Variants in VIRMA observed in about 807,000 individuals in gnomAD.
The protein encoded by VIRMA is vir like m6A methyltransferase associated, also known as protein virilizer homolog.
A neutral mutation model predicts 182.4 loss-of-function variants in VIRMA; 65 were observed. The ratio of observed to expected loss-of-function variants is 0.36; its 90% CI spans 0.29 to 0.44. VIRMA has a LOEUF of 0.44. Among genes scored for constraint, VIRMA ranks in the 20% least tolerant of loss-of-function variants. The pLI is 1.00. For missense variants in VIRMA, 1,752 were observed against 2,158.1 expected, an observed-to-expected ratio of 0.81 and a Z score of 3.73; for synonymous variants, 709 against 743.1, an observed-to-expected ratio of 0.95 and a Z score of 0.75.
At chr8:94,541,831 C>T (rs1458054818) in intron 2 of VIRMA, among the ~76,000 whole-genome samples, 2 of 151,726 alleles carry the variant, frequency 1.3e-5, no homozygotes, top group Admixed American at 6.6e-5. Context: ...CATAAGCCAC[C>T]GTGCCTGGCC....
chr8:94,511,592 T>A lies in VIRMA; in HGVS notation c.2983A>T (p.Thr995Ser), dbSNP rs1304164838. 6.2e-7 allele frequency: 1 copy of A among 1,614,126 alleles called. No homozygotes were observed. The highest frequency in any genetic ancestry group is 2.2e-5 in the East Asian group (1 of 44,882). Residue 995 changes from threonine to serine, a missense_variant, in exon 13 of 24, where the codon ACT (threonine) becomes TCT (serine). Physicochemically the swap from Thr to Ser is moderately conservative, Grantham distance 58. Around this residue, in one of 11 missense-constraint regions of VIRMA, gnomAD observed 777 missense variants for 920.6 expected, o/e 0.84. Coordinates refer to ENST00000297591, the MANE Select transcript of VIRMA (RefSeq NM_015496.5). The part of the protein sequence containing the change: ...QPWRLHVNMG[T>S]TLHRVTTISM... The stretch of plus-strand genomic sequence containing the variant: ...ATAGTAGTAACTCTGTGAAGGGTAG[T>A]CCCCATGTTGACATGGAGCCTCCAA...
At chr8:94,521,726 C>T (rs1017453479) in intron 8 of VIRMA, among the ~76,000 whole-genome samples, 2 of 152,130 alleles carry the variant, frequency 1.3e-5, no homozygotes, top group Non-Finnish European at 2.9e-5. Context: ...GCTGAAACTG[C>T]TTCTTCAGTC....
intron 16 of VIRMA, among the ~76,000 whole-genome samples, chr8:94,500,977 G>A (rs1813955466): frequency 6.6e-6 from 1 of 152,032 alleles, no homozygotes; most frequent in Admixed American, 6.6e-5. Context: ...TGGGCGCAGT[G>A]GCTCATGACT....
At chr8:94,511,966 G>T in intron 12 of VIRMA, 30 bp downstream of exon 12, 1 of 1,268,300 alleles carries the variant, frequency 7.9e-7, no homozygotes, top group Non-Finnish European at 1.1e-6. Context: ...CTTAAGAATC[G>T]TAGTTTTTAA....
chr8:94,536,953 T>C (rs1160989067), intron 4 of VIRMA, 150 bp downstream of exon 4: 1 of 631,728 alleles, frequency 1.6e-6, no homozygotes, highest in African/African-American at 1.8e-5. Flanking sequence ...CACTCCAGCC[T>C]GGGTGACAGA....
chr8:94,539,504 T>C (rs1815464988), intron 2 of VIRMA, among the ~76,000 whole-genome samples: 1 of 152,186 alleles, frequency 6.6e-6, no homozygotes, highest in Admixed American at 6.5e-5. Flanking sequence ...AACTAAAATC[T>C]TGACTTTGAA....
intron 15 of VIRMA, among the ~76,000 whole-genome samples, chr8:94,508,569 G>C (rs76276254): frequency 0.04 from 6,064 of 151,992 alleles, 133 homozygotes; most frequent in Non-Finnish European, 0.05. Context: ...GGATGCCACA[G>C]CGCTATTCAA....
intron 16 of VIRMA, among the ~76,000 whole-genome samples, chr8:94,501,451 A>T (rs1813983890): frequency 2.6e-5 from 4 of 152,192 alleles, no homozygotes; most frequent in African/African-American, 9.7e-5. Flanking sequence ...AGACAAAAAG[A>T]ACCATATACA....
At chr8:94,503,861 TAAAAAAACC>T (rs912867550) in intron 16 of VIRMA, among the ~76,000 whole-genome samples, 1 of 149,456 alleles carries the variant, frequency 6.7e-6, no homozygotes, top group African/African-American at 2.5e-5. Flanking sequence ...CCTGTTAATT[TAAAAAAACC>T]AAAAAAACAA....
Position 94,531,102 on chromosome 8 carries a change from G to C in VIRMA, c.485-17C>G, listed in dbSNP as rs748888279. On this transcript the variant is annotated splice_polypyrimidine_tract_variant and intron_variant, in intron 5 of 23. Transcript: ENST00000297591. ...CCCCATCAGCTAGTGTTTTATGGGAGACAGAAAAAGAACTTTCAAATTACA... is the reference window on the plus strand; with the variant it reads ...CCCCATCAGCTAGTGTTTTATGGGACACAGAAAAAGAACTTTCAAATTACA... 3.3e-6 allele frequency: 5 copies of C among 1,510,842 alleles called. No individual in the cohort carries two copies. The South Asian group carries it at 4.1e-5, about 12-fold the overall frequency. The allele number at this position is 1,510,842 out of a possible 1,614,324, so 93.6% of individuals were successfully genotyped here. A position where few individuals can be genotyped will look rare whatever the true frequency, so the allele number is the denominator to read the frequency against.
At chr8:94,491,275 C>A (rs938593359) in intron 22 of VIRMA, among the ~76,000 whole-genome samples, 2 of 151,422 alleles carry the variant, frequency 1.3e-5, no homozygotes, top group Non-Finnish European at 2.9e-5. Flanking sequence ...GATCACACCA[C>A]CGCACCCCAG....
chr8:94,491,630 T>C lies in VIRMA; in HGVS notation c.5088A>G (p.Gly1696=). ...SRGGFSGNRG[G]RGAFHSQNRF... ...TATTCTGACTGTGGAAAGCACCCCG[T>C]CCTCCTCTATTGCCTGAAAACCCAC... is the stretch of plus-strand genomic sequence containing the variant. Residue 1696 remains glycine (G), a synonymous_variant, in exon 22 of 24, where the codon GGA becomes GGG. Coordinates refer to ENST00000297591, the MANE Select transcript of VIRMA (RefSeq NM_015496.5). 1 of 1,614,154 alleles carries C rather than the reference T, an allele frequency of 6.2e-7. No individual in the cohort carries two copies. Among genetic ancestry groups the C allele is most frequent in the Non-Finnish European group, 8.5e-7 (1 of 1,180,018 alleles).
intron 2 of VIRMA, among the ~76,000 whole-genome samples, chr8:94,540,611 G>A (rs552678945): frequency 1.3e-5 from 2 of 151,964 alleles, no homozygotes; most frequent in South Asian, 2.1e-4. Flanking sequence ...ACAGGCACGC[G>A]CCACCAGGCC....
At chr8:94,546,329 A>G (rs551696267) in intron 1 of VIRMA, among the ~76,000 whole-genome samples, 2 of 151,006 alleles carry the variant, frequency 1.3e-5, no homozygotes, top group African/African-American at 5.0e-5. Context: ...TCCAAACTGA[A>G]TTCTCCTACA....
chr8:94,527,497 T>C (rs1394735841), intron 7 of VIRMA, 134 bp from the exon 8 acceptor site: 5 of 557,182 alleles, frequency 9.0e-6, no homozygotes, highest in Non-Finnish European at 1.5e-5. Flanking sequence ...TGCCCCAACA[T>C]CTTACCCACA....
chr8:94,533,615 T>TTTTTTTA (rs1491557244), intron 5 of VIRMA: 1 of 19,652 alleles, frequency 5.1e-5, no homozygotes, highest in East Asian at 2.5e-3. Flanking sequence ...TAATTCTTTC[T>TTTTTTTA]TTTTTTTTTT....
chr8:94,491,904 T>A lies in VIRMA; in HGVS notation c.4814A>T (p.Lys1605Ile). ...TTTGGCAGGTTCAATGTATTCAGATTTTCCACTATTAAAACAAAAACATGC... is the reference window on the plus strand; with the variant it reads ...TTTGGCAGGTTCAATGTATTCAGATATTCCACTATTAAAACAAAAACATGC... ...KHETFITSSG[K>I]SEYIEPAKRA... The change falls in exon 22 of 24, where the codon AAA (lysine) becomes ATA (isoleucine). Residue 1605 changes from lysine (K) to isoleucine (I), a missense_variant. Lys to Ile is a moderately radical substitution (Grantham distance 102, BLOSUM62 -3). Around this residue, in one of 11 missense-constraint regions of VIRMA, gnomAD observed 27 missense variants for 60.8 expected, o/e 0.44. Coordinates refer to ENST00000297591, the MANE Select transcript of VIRMA (RefSeq NM_015496.5). 6.5e-7 allele frequency: 1 copy of A among 1,545,024 alleles called. No homozygotes were observed. The highest frequency in any genetic ancestry group is 8.7e-7 in the Non-Finnish European group (1 of 1,143,862).
chr8:94,543,370 CA>C (rs1301130992), intron 2 of VIRMA, among the ~76,000 whole-genome samples: 1 of 127,926 alleles, frequency 7.8e-6, no homozygotes, highest in African/African-American at 3.0e-5. Context: ...CATTGCATTC[CA>C]GCCTGGACAA....
At chr8:94,494,310 G>T (rs1284750263) in intron 20 of VIRMA, among the ~76,000 whole-genome samples, 1 of 150,828 alleles carries the variant, frequency 6.6e-6, no homozygotes, top group African/African-American at 2.4e-5. Flanking sequence ...TTTTTTTTTT[G>T]GCTGGGCATG....
Sources: gnomAD v4.1 joint callset for allele counts (sites outside exome capture counted in the v4.1 genomes callset) on GRCh38, gnomAD v4.1.1 for gene constraint, gnomAD v4.1.1 regional missense constraint, MANE v1.5 for transcripts, NCBI Gene and HGNC (gene_info 2026-07-23, HGNC 2026-07-21) for gene names.